SHOC1: variants seen among roughly 807,000 people sequenced by gnomAD.
The protein encoded by SHOC1 is protein shortage in chiasmata 1 ortholog.
A neutral mutation model predicts 179.2 loss-of-function variants in SHOC1; 136 were observed. The ratio of observed to expected loss-of-function variants is 0.76; its 90% CI spans 0.66 to 0.87. SHOC1 has a LOEUF of 0.87. Among genes scored for constraint, SHOC1 ranks in the 40% least tolerant of loss-of-function variants. The probability of loss-of-function intolerance (pLI) is 0.00; values close to 1 mark genes in which losing one functional copy is unlikely to be tolerated. For synonymous variants in SHOC1, 489 were observed against 586.6 expected (o/e 0.83, Z 2.41); for missense variants, 1,538 against 1,700.8 (o/e 0.90, Z 1.68).
Position 111,727,795 on chromosome 9 carries a change from A to G in SHOC1, c.1672T>C (p.Ser558Pro), listed in dbSNP as rs746975584. 4 of 1,613,392 alleles carry G rather than the reference A, an allele frequency of 2.5e-6. No individual in the cohort carries two copies. In the South Asian group the frequency reaches 4.4e-5, roughly 18 times the overall value. ...DHFELDCTGP[S>P]IKSPSSSIIK... ...ATTGAAGAGGAAGGTGATTTAATAG[A>G]TGGTCCTGTGCAGTCAAGTTCAAAG... The change falls in exon 13 of 28, where the codon TCT becomes CCT. Residue 558 changes from serine to proline, a missense_variant. Transcript: ENST00000682961.
intron 8 of SHOC1, among the ~76,000 whole-genome samples, chr9:111,753,949 C>G (rs949673321): frequency 2.0e-4 from 30 of 152,038 alleles, no homozygotes; most frequent in African/African-American, 7.2e-4. Flanking sequence ...ATAAGATGAA[C>G]AGGTTCTAGA....
At chr9:111,763,391 A>T (rs1835221632) in intron 5 of SHOC1, among the ~76,000 whole-genome samples, 1 of 152,128 alleles carries the variant, frequency 6.6e-6, no homozygotes, top group South Asian at 2.1e-4. Context: ...GAAATTTCAT[A>T]ACACTGGAAG....
chr9:111,763,389 A>G (rs906644543), intron 5 of SHOC1, among the ~76,000 whole-genome samples: 5 of 152,144 alleles, frequency 3.3e-5, no homozygotes, highest in Non-Finnish European at 7.4e-5. Context: ...GTGAAATTTC[A>G]TAACACTGGA....
chr9:111,733,877 T>A (rs1265920273), intron 12 of SHOC1, among the ~76,000 whole-genome samples: 1 of 151,886 alleles, frequency 6.6e-6, no homozygotes, highest in East Asian at 1.9e-4. Flanking sequence ...AAAAAGTTGT[T>A]AACTAATTAA....
chr9:111,747,886 A>G (rs1001478540), intron 9 of SHOC1, among the ~76,000 whole-genome samples: 2 of 152,168 alleles, frequency 1.3e-5, no homozygotes. Flanking sequence ...CACTAGGCCT[A>G]TTATTCAGTT....
chr9:111,750,509 A>G (rs562869502), intron 8 of SHOC1, among the ~76,000 whole-genome samples: 7 of 151,978 alleles, frequency 4.6e-5, no homozygotes, highest in Non-Finnish European at 1.0e-4. Flanking sequence ...TAATTTTTGT[A>G]TTTTTAGTAG....
intron 2 of SHOC1, 34 bp downstream of exon 2, chr9:111,791,340 T>A: frequency 7.9e-7 from 1 of 1,271,408 alleles, no homozygotes; most frequent in Middle Eastern, 2.0e-4. Context: ...ATCATAATTC[T>A]CAGTAAATAG....
At chr9:111,768,489 G>T (rs1835440563) in intron 5 of SHOC1, among the ~76,000 whole-genome samples, 1 of 152,154 alleles carries the variant, frequency 6.6e-6, no homozygotes, top group Non-Finnish European at 1.5e-5. Flanking sequence ...ATAGTGCTGG[G>T]ATTACAGGCG....
At chr9:111,723,588 C>T (rs113557994) in intron 14 of SHOC1, among the ~76,000 whole-genome samples, 170 of 152,192 alleles carry the variant, frequency 1.1e-3, no homozygotes, top group African/African-American at 3.9e-3. Flanking sequence ...AACACTGAGT[C>T]GCTTGGGTAG....
At chr9:111,734,058 C>A (rs993062463) in intron 12 of SHOC1, among the ~76,000 whole-genome samples, 1 of 151,958 alleles carries the variant, frequency 6.6e-6, no homozygotes, top group African/African-American at 2.4e-5. Context: ...CTACCCTGAC[C>A]GCTTGGCATG....
intron 5 of SHOC1, among the ~76,000 whole-genome samples, chr9:111,769,477 CT>C (rs1448486463): frequency 6.6e-6 from 1 of 151,946 alleles, no homozygotes; most frequent in Non-Finnish European, 1.5e-5. Context: ...ATAGTTCAAA[CT>C]TTTTTTCCTT....
At position 111,686,686 on chromosome 9, in the gene SHOC1, G is replaced by A. The variant is rs1201249606; in HGVS notation, c.*84C>T. 2.4e-6 allele frequency: 2 copies of A among 844,496 alleles called. No homozygotes were observed. The highest frequency in any genetic ancestry group is 1.4e-5 in the South Asian group (1 of 69,528). 52.3% of individuals were successfully genotyped at this position (844,496 alleles called of 1,614,324 possible). A position where few individuals can be genotyped will look rare whatever the true frequency, so the allele number is the denominator to read the frequency against. ...TATGAACAATTGTGTTTTCTTTAGT[G>A]TATGAGCAAATCTAAATAATTGCGC... On this transcript the variant is annotated 3_prime_UTR_variant, in exon 28 of 28. Transcript: ENST00000682961.
At chr9:111,786,391 C>T (rs1455978901) in intron 2 of SHOC1, among the ~76,000 whole-genome samples, 2 of 151,822 alleles carry the variant, frequency 1.3e-5, no homozygotes, top group African/African-American at 2.4e-5. Context: ...GCCGAGATCG[C>T]GCCACTGCAC....
chr9:111,711,071 T>C (rs1832521262), intron 18 of SHOC1, among the ~76,000 whole-genome samples: 1 of 152,114 alleles, frequency 6.6e-6, no homozygotes. Context: ...TGGAACAAAG[T>C]GCTTGAGACT....
chr9:111,760,886 T>C (rs1443513806), intron 5 of SHOC1, among the ~76,000 whole-genome samples: 1 of 151,634 alleles, frequency 6.6e-6, no homozygotes, highest in African/African-American at 2.4e-5. Context: ...CTTGGAAAAG[T>C]GATTACAAAG....
At chr9:111,794,268 A>C (rs1836547069) in intron 1 of SHOC1, among the ~76,000 whole-genome samples, 1 of 126,258 alleles carries the variant, frequency 7.9e-6, no homozygotes, top group Admixed American at 8.5e-5. Flanking sequence ...CCCTCGCATA[A>C]AAACCCACTT....
chr9:111,711,583 GA>G (rs1832551905), intron 18 of SHOC1, among the ~76,000 whole-genome samples: 1 of 152,174 alleles, frequency 6.6e-6, no homozygotes, highest in Non-Finnish European at 1.5e-5. Context: ...CATGTGACAA[GA>G]GCCTGGTTTT....
chr9:111,711,422 G>C (rs1832544021), intron 18 of SHOC1, among the ~76,000 whole-genome samples: 1 of 152,140 alleles, frequency 6.6e-6, no homozygotes, highest in Admixed American at 6.5e-5. Context: ...ATCCTCTCCT[G>C]TCCTCTTCCT....
rs768862808 is a variant in SHOC1, at chr9:111,720,055, G to A, written c.2132-1767C>T. Among the ~76,000 whole-genome samples the A allele has an allele frequency of 6.6e-5, 10 of 152,234 alleles. No individual in the cohort carries two copies. In the East Asian group the frequency reaches 1.9e-3, roughly 29 times the overall value. ...TATCTGAAAACTCTAAAAGGTAAAT[G>A]GTAGCAAGTGGACTGGGGAAGGAGA... On this transcript the variant is annotated intron_variant, in intron 15 of 27. Coordinates refer to ENST00000682961, the MANE Select transcript of SHOC1 (RefSeq NM_001378211.1).
Sources: allele counts gnomAD v4.1 joint callset (sites outside exome capture counted in the v4.1 genomes callset), GRCh38; gene constraint gnomAD v4.1.1; transcripts MANE v1.5; gene names NCBI Gene and HGNC (gene_info 2026-07-23, HGNC 2026-07-21).